The following TOP2B variants were observed in gnomAD, a reference collection of about 807,000 sequenced individuals.
The protein encoded by TOP2B is DNA topoisomerase II beta.
TOP2B carries 51 observed loss-of-function variants against 193.5 expected under a neutral mutation model. The ratio of observed to expected loss-of-function variants is 0.26; its 90% CI spans 0.21 to 0.33. The LOEUF (loss-of-function observed/expected upper bound fraction) is 0.33. TOP2B is among the 10% of genes least tolerant of loss of function. The pLI, the probability that TOP2B is intolerant of heterozygous loss-of-function variation, is 1.00. For synonymous variants in TOP2B, 634 were observed against 635.7 expected, an observed-to-expected ratio of 1.00 and a Z score of 0.04; for missense variants, 1,378 against 1,909.3, an observed-to-expected ratio of 0.72 and a Z score of 5.19.
At chr3:25,624,598 T>TA in intron 19 of TOP2B, 84 bp downstream of exon 19, 1 of 1,563,876 alleles carries the variant, frequency 6.4e-7, no homozygotes. Flanking sequence ...CCAAAGACTT[T>TA]ACTAAAGGAA....
intron 25 of TOP2B, chr3:25,615,791 T>A: frequency 2.6e-6 from 1 of 385,106 alleles, no homozygotes; most frequent in South Asian, 8.3e-5. Flanking sequence ...AATAAGATCT[T>A]CAGAAGGAAT....
At chr3:25,642,286 A>C (rs1391577560) in intron 4 of TOP2B, 36 bp downstream of exon 4, 1 of 1,324,984 alleles carries the variant, frequency 7.5e-7, no homozygotes. Context: ...TCTGAATAAA[A>C]CTTAGCATAA....
chr3:25,613,804 C>A (rs1430289020), intron 27 of TOP2B, among the ~76,000 whole-genome samples: 1 of 151,788 alleles, frequency 6.6e-6, no homozygotes. Flanking sequence ...TCCTGTGATC[C>A]CCATTTTATA....
At chr3:25,629,768 C>T (rs1702906749) in intron 13 of TOP2B, among the ~76,000 whole-genome samples, 1 of 152,032 alleles carries the variant, frequency 6.6e-6, no homozygotes, top group Admixed American at 6.6e-5. Context: ...TTGTTAATTC[C>T]ATAATTTTGT....
Position 25,598,168 on chromosome 3 carries a change from A to T in TOP2B, c.*139T>A. The T allele has an allele frequency of 1.2e-6, 1 of 852,094 alleles. No individual in the cohort carries two copies. The highest frequency in any genetic ancestry group is 1.8e-6 in the Non-Finnish European group (1 of 567,404). The allele number at this position is 852,094 out of a possible 1,614,324, so 52.8% of individuals were successfully genotyped here. A position where few individuals can be genotyped will look rare whatever the true frequency, so the allele number is the denominator to read the frequency against. On this transcript the variant is annotated 3_prime_UTR_variant, in exon 36 of 36. Coordinates refer to ENST00000264331, the MANE Select transcript of TOP2B (RefSeq NM_001330700.2). ...ACTGTATGTGTAAGAACAAAATGTT[A>T]AAAGGCCTACCACAATAATAAAAAA...
chr3:25,604,760 C>G lies in TOP2B; in HGVS notation c.4489G>C (p.Gly1497Arg). ...AACTCAATCAAATATAAGTACATAC[C>G]CTTTTTAGCAGCTACCGTTTTACTT... Reference protein sequence around the residue: ...VPSKTVAAKKGKPSSDTVPKP... With the variant: ...VPSKTVAAKKRKPSSDTVPKP... Residue 1497 changes from glycine to arginine, a missense_variant and splice_region_variant, in exon 33 of 36, where the codon GGA becomes CGA. Physicochemically the swap from Gly to Arg is moderately radical, Grantham distance 125. This residue lies in a region of TOP2B where 556 missense variants were observed against 584.2 expected (regional missense o/e 0.95). Coordinates refer to ENST00000264331, the MANE Select transcript of TOP2B (RefSeq NM_001330700.2). 1 of 1,605,822 alleles carries G rather than the reference C, an allele frequency of 6.2e-7. No individual in the cohort carries two copies. Among genetic ancestry groups the G allele is most frequent in the Non-Finnish European group, 8.5e-7 (1 of 1,173,254 alleles).
intron 2 of TOP2B, among the ~76,000 whole-genome samples, chr3:25,644,115 T>C (rs1010201954): frequency 6.6e-6 from 1 of 151,278 alleles, no homozygotes; most frequent in South Asian, 2.1e-4. Flanking sequence ...TTTTTTTTTT[T>C]ATAATACAGG....
At chr3:25,626,394 TAAAAC>T (rs1183984512) in intron 18 of TOP2B, among the ~76,000 whole-genome samples, 161 bp downstream of exon 18, 4 of 151,962 alleles carry the variant, frequency 2.6e-5, no homozygotes, top group Non-Finnish European at 2.9e-5. Context: ...TATGAAAACA[TAAAAC>T]AAAAGCAAAA....
At position 25,632,750 on chromosome 3, in the gene TOP2B, T is replaced by A; in HGVS notation, c.1071A>T (p.Lys357Asn). Residue 357 changes from lysine (K) to asparagine (N), a missense_variant, in exon 9 of 36, where the codon AAA (lysine) becomes AAT (asparagine). Coordinates refer to ENST00000264331, the MANE Select transcript of TOP2B (RefSeq NM_001330700.2). ...TCTTTTTCTTAACTACTTCAATCAG[T>A]TTACCAACAACTTGATCTACCACAT... Reference protein sequence around the residue: ...VDYVVDQVVGKLIEVVKKKNK... With the variant: ...VDYVVDQVVGNLIEVVKKKNK... 2 of 1,613,302 alleles carry A rather than the reference T, an allele frequency of 1.2e-6. No individual in the cohort carries two copies. The highest frequency in any genetic ancestry group is 3.3e-4 in the Middle Eastern group (2 of 6,058).
intron 33 of TOP2B, 135 bp from the exon 34 acceptor site, chr3:25,601,360 G>A (rs1040937077): frequency 4.9e-5 from 53 of 1,084,752 alleles, no homozygotes; most frequent in Admixed American, 5.9e-5. Flanking sequence ...GCTCACACCT[G>A]TAATGCCAGC....
intron 1 of TOP2B, among the ~76,000 whole-genome samples, chr3:25,660,106 C>T (rs942031473): frequency 6.6e-6 from 1 of 152,188 alleles, no homozygotes; most frequent in East Asian, 1.9e-4. Flanking sequence ...GAACATACTT[C>T]GATTCAGAAA....
intron 33 of TOP2B, among the ~76,000 whole-genome samples, chr3:25,604,549 T>C (rs1348873678): frequency 6.6e-6 from 1 of 152,210 alleles, no homozygotes; most frequent in Non-Finnish European, 1.5e-5. Flanking sequence ...ACGGGATTAT[T>C]TTATAATTAC....
intron 1 of TOP2B, among the ~76,000 whole-genome samples, chr3:25,649,238 A>C (rs539930034): frequency 6.6e-6 from 1 of 152,304 alleles, no homozygotes; most frequent in Admixed American, 6.5e-5. Context: ...AAAGAGCTTA[A>C]AGAACTTATG....
chr3:25,633,372 A>C (rs1310390251), intron 8 of TOP2B, among the ~76,000 whole-genome samples: 1 of 152,142 alleles, frequency 6.6e-6, no homozygotes, highest in Non-Finnish European at 1.5e-5. Context: ...GGGAAAGGGT[A>C]CACAAAGCTC....
chr3:25,650,004 T>G (rs1275646286), intron 1 of TOP2B, among the ~76,000 whole-genome samples: 1 of 152,220 alleles, frequency 6.6e-6, no homozygotes, highest in Non-Finnish European at 1.5e-5. Flanking sequence ...ACCATGCCAA[T>G]GCAGTCTTTT....
chr3:25,601,143 C>A lies in TOP2B; in HGVS notation c.4572G>T (p.Ser1524=). The A allele has an allele frequency of 6.2e-7, 1 of 1,613,582 alleles. No individual in the cohort carries two copies. Among genetic ancestry groups the A allele is most frequent in the Non-Finnish European group, 8.5e-7 (1 of 1,179,662 alleles). Residue 1524 remains serine, a synonymous_variant, in exon 34 of 36, where the codon TCG becomes TCT. Coordinates refer to ENST00000264331, the MANE Select transcript of TOP2B (RefSeq NM_001330700.2). ...KKVVEAVNSD[S]DSEFGIPKKT... ...TCTTTGGAATGCCAAATTCTGAATC[C>A]GAGTCAGAGTTTACAGCCTCTACTA...
chr3:25,629,295 AT>A (rs1230318547), intron 13 of TOP2B, 150 bp from the exon 14 acceptor site: 62 of 523,282 alleles, frequency 1.2e-4, no homozygotes, highest in South Asian at 1.1e-3. Context: ...ATCATACTAA[AT>A]TTTTTAATAC....
intron 1 of TOP2B, among the ~76,000 whole-genome samples, chr3:25,655,450 C>T (rs1165966614): frequency 6.6e-6 from 1 of 152,104 alleles, no homozygotes; most frequent in East Asian, 1.9e-4. Context: ...AAAAATGCTA[C>T]AGCCATTATG....
intron 1 of TOP2B, among the ~76,000 whole-genome samples, chr3:25,648,776 T>G (rs557913241): frequency 9.9e-5 from 15 of 152,186 alleles, no homozygotes; most frequent in African/African-American, 3.6e-4. Flanking sequence ...ACGGGAGGAT[T>G]GCCTGAGCCC....
Sources: gnomAD v4.1 joint callset for allele counts (sites outside exome capture counted in the v4.1 genomes callset) on GRCh38, gnomAD v4.1.1 for gene constraint, gnomAD v4.1.1 regional missense constraint, MANE v1.5 for transcripts, NCBI Gene and HGNC (gene_info 2026-07-23, HGNC 2026-07-21) for gene names.